Variants in MAN2C1 observed in about 807,000 individuals in gnomAD.
The protein encoded by MAN2C1 is alpha-mannosidase 2C1.
Under a neutral mutation model 126.9 loss-of-function variants are expected in MAN2C1, and 111 were observed. That is an observed-to-expected ratio of 0.87 (90% CI 0.75 to 1.02). MAN2C1 has a LOEUF of 1.02. MAN2C1 is among the 50% of genes least tolerant of loss of function. MAN2C1 has a pLI of 0.00. For missense variants in MAN2C1, 1,363 were observed against 1,364.4 expected (o/e 1.00, Z 0.02); for synonymous variants, 567 against 561.5 (o/e 1.01, Z -0.14).
chr15:75,358,089 C>A, intron 21 of MAN2C1, 112 bp downstream of exon 21: 1 of 1,322,686 alleles, frequency 7.6e-7, no homozygotes, highest in Non-Finnish European at 1.1e-6. Flanking sequence ...CTGGCACACA[C>A]GTTAGGAAGC....
At position 75,360,733 on chromosome 15, in the gene MAN2C1, T is replaced by C. The variant is rs755452208; in HGVS notation, c.1461-45A>G. The C allele has an allele frequency of 9.4e-6, 15 of 1,601,862 alleles. No homozygotes were observed. In the Admixed American group the frequency reaches 2.4e-4, roughly 25 times the overall value. ...AGGTCTCCCAGCCTTGGAGACCACA[T>C]GGCTCACCCTTCTTCCACACCAAAG... On this transcript the variant is annotated intron_variant, in intron 12 of 25. Transcript: ENST00000267978.
At position 75,364,490 on chromosome 15, in the gene MAN2C1, T is replaced by C; in HGVS notation, c.598A>G (p.Lys200Glu). Residue 200 changes from lysine (K) to glutamate (E), a missense_variant and splice_region_variant, in exon 5 of 26, where the codon AAG (lysine) becomes GAG (glutamate). Coordinates refer to ENST00000267978, the MANE Select transcript of MAN2C1 (RefSeq NM_006715.4). Reference protein sequence around the residue: ...VDLELLLGIAKGLGKDNQRSF... With the variant: ...VDLELLLGIAEGLGKDNQRSF... ...GGGGTACAGGGGGTGTCAAGTACCTTGGCTATGCCCAGCAGCAGCTCCAGA... is the reference window on the plus strand; with the variant it reads ...GGGGTACAGGGGGTGTCAAGTACCTCGGCTATGCCCAGCAGCAGCTCCAGA... The C allele has an allele frequency of 1.3e-6, 2 of 1,585,632 alleles. No individual in the cohort carries two copies. The highest frequency in any genetic ancestry group is 1.1e-5 in the South Asian group (1 of 87,256).
At chr15:75,359,273 GT>G (rs976857113) in intron 17 of MAN2C1, 54 bp downstream of exon 17, 125 of 1,582,882 alleles carry the variant, frequency 7.9e-5, no homozygotes, top group Non-Finnish European at 1.1e-4. Context: ...AGGACCCTCA[GT>G]TGTAAGAAAG....
rs190192617 is a variant in MAN2C1, at chr15:75,368,424, A to G, written c.101+59T>C. On this transcript the variant is annotated intron_variant, in intron 1 of 25. Transcript: ENST00000267978. ...GGCTGCAGCTTAGGTTTCTCCCCGG[A>G]AGGAAAGCTTGAGGCGCACGGTTGC... 3.7e-4 allele frequency: 560 copies of G among 1,509,272 alleles called. 3 individuals are homozygous for G. In the African/African-American group the frequency reaches 7.1e-3, roughly 19 times the overall value. The allele number at this position is 1,509,272 out of a possible 1,614,324, so 93.5% of individuals were successfully genotyped here. A position where few individuals can be genotyped will look rare whatever the true frequency, so the allele number is the denominator to read the frequency against.
At chr15:75,367,796 G>C in intron 2 of MAN2C1, 162 bp from the exon 3 acceptor site, 2 of 990,290 alleles carry the variant, frequency 2.0e-6, no homozygotes, top group South Asian at 3.3e-5. Context: ...TGAGAAGCAA[G>C]ATGAGGGAAA....
intron 2 of MAN2C1, 118 bp downstream of exon 2, chr15:75,367,955 G>C: frequency 7.7e-7 from 1 of 1,302,164 alleles, no homozygotes. Flanking sequence ...AGCAGAGGGT[G>C]CTGCTCGATC....
In MAN2C1 at chr15:75,356,770, G is replaced by C. The variant is rs1238947374; in HGVS notation, c.2657+23C>G. ...ACCCATTTCTCCATGCCAGCTCCCAGGCCTGGTGGGTACCCCACTTACAGC... is the reference window on the plus strand; with the variant it reads ...ACCCATTTCTCCATGCCAGCTCCCACGCCTGGTGGGTACCCCACTTACAGC... On this transcript the variant is annotated intron_variant, in intron 22 of 25. Coordinates refer to ENST00000267978, the MANE Select transcript of MAN2C1 (RefSeq NM_006715.4). The surrounding 1 kb of genome is among the most constrained non-coding windows in gnomAD (Gnocchi z 5.8). 2 of 1,613,656 alleles carry C rather than the reference G, an allele frequency of 1.2e-6. No individual in the cohort carries two copies. The highest frequency in any genetic ancestry group is 1.3e-5 in the African/African-American group (1 of 75,058).
rs1284076909 is a variant in MAN2C1 at position 75,368,137 on chromosome 15, G to T, written c.163C>A (p.Pro55Thr). Residue 55 changes from proline (P) to threonine (T), a missense_variant, in exon 2 of 26, where the codon CCC becomes ACC. Physicochemically the swap from Pro to Thr is conservative, Grantham distance 38 (BLOSUM62 -1). This residue lies in a region of MAN2C1 where 628 missense variants were observed against 609.8 expected (regional missense o/e 1.03). Coordinates refer to ENST00000267978, the MANE Select transcript of MAN2C1 (RefSeq NM_006715.4). ...TCCCGCTGGACTGCCTCCTGGTAGG[G>T]AAGTCTCTCCGGCGTCAGGAAGCTG... ...LSSFLTPERLPYQEAVQRDFR... is the reference protein window; with the variant it reads ...LSSFLTPERLTYQEAVQRDFR... 1.9e-6 allele frequency: 3 copies of T among 1,605,770 alleles called. No individual in the cohort carries two copies. The highest frequency in any genetic ancestry group is 2.5e-6 in the Non-Finnish European group (3 of 1,177,248).
At chr15:75,364,719 G>A (rs1453845969) in intron 4 of MAN2C1, 54 bp from the exon 5 acceptor site, 13 of 1,482,994 alleles carry the variant, frequency 8.8e-6, no homozygotes, top group Non-Finnish European at 1.1e-5. Context: ...GTACTCCGGG[G>A]ACTTGGGGAA....
At position 75,359,756 on chromosome 15, in the gene MAN2C1, A is replaced by G. The variant is rs746538330; in HGVS notation, c.1812T>C (p.Asn604=). The change falls in exon 16 of 26, where the codon AAT becomes AAC. Residue 604 remains asparagine (N), a synonymous_variant. Coordinates refer to ENST00000267978, the MANE Select transcript of MAN2C1 (RefSeq NM_006715.4). ...CHYEDIRSHG[N]TLLSAAAAAL... ...CTGCGGCTGCAGCGCTGAGCAGTGT[A>G]TTGCCATGGGAACGGATGTCTGAGG... 6.8e-6 allele frequency: 11 copies of G among 1,613,976 alleles called. No homozygotes were observed. Among genetic ancestry groups the G allele is most frequent in the East Asian group, 6.7e-5 (3 of 44,892 alleles).
chr15:75,360,740 C>T (rs532828981), intron 12 of MAN2C1, 52 bp from the exon 13 acceptor site: 7 of 1,596,596 alleles, frequency 4.4e-6, no homozygotes, highest in Admixed American at 3.4e-5. Context: ...ACATGGCTCA[C>T]CCTTCTTCCA....
chr15:75,360,144 A>G lies in MAN2C1; in HGVS notation c.1652T>C (p.Leu551Pro). 1 of 1,613,774 alleles carries G rather than the reference A, an allele frequency of 6.2e-7. No individual in the cohort carries two copies. Among genetic ancestry groups the G allele is most frequent in the African/African-American group, 1.3e-5 (1 of 75,066 alleles). Residue 551 changes from leucine to proline, a missense_variant, in exon 14 of 26, where the codon CTG becomes CCG. Physicochemically the swap from Leu to Pro is moderately conservative, Grantham distance 98. This residue lies in a region of MAN2C1 where 668 missense variants were observed against 650.1 expected (regional missense o/e 1.03). Coordinates refer to ENST00000267978, the MANE Select transcript of MAN2C1 (RefSeq NM_006715.4). ...GTATAGGAACTGGGCACTGCGGGCC[A>G]GGGCCAGGCTACTGAGCAGCTCCAC... ...HDVELLSSLA[L>P]ARSAQFLYPA...
chr15:75,362,546 A>C lies in MAN2C1; in HGVS notation c.898-93T>G, dbSNP rs1411140663. The stretch of plus-strand genomic sequence containing the variant: ...ACTCAGTGTGTGGCTGAGGGTGAGG[A>C]GCAGCCCTGACCCCAGGCCTGGGAA... On this transcript the variant is annotated intron_variant, in intron 7 of 25. Transcript: ENST00000267978. This position sits in a 1 kb window ranked among gnomAD's most constrained non-coding sequence, Gnocchi z 4.5. The C allele has an allele frequency of 6.6e-7, 1 of 1,514,304 alleles. No individual in the cohort carries two copies. The highest frequency in any genetic ancestry group is 1.4e-5 in the African/African-American group (1 of 72,820). The allele number at this position is 1,514,304 out of a possible 1,614,324, so 93.8% of individuals were successfully genotyped here.
Position 75,368,598 on chromosome 15 carries a change from T to A in MAN2C1, c.-15A>T. ...GCAGCCGCCATCGCCGGGCTCTCGC[T>A]CCTCTTTCCGGAAGGCCCCTGGCGC... On this transcript the variant is annotated 5_prime_UTR_variant, in exon 1 of 26. Transcript: ENST00000267978. The A allele has an allele frequency of 6.5e-7, 1 of 1,531,692 alleles. No individual in the cohort carries two copies. Among genetic ancestry groups the A allele is most frequent in the African/African-American group, 1.4e-5 (1 of 72,808 alleles). 94.9% of individuals were successfully genotyped at this position (1,531,692 alleles called of 1,614,324 possible). A position where few individuals can be genotyped will look rare whatever the true frequency, so the allele number is the denominator to read the frequency against.
intron 5 of MAN2C1, 101 bp from the exon 6 acceptor site, chr15:75,364,289 A>C: frequency 7.4e-7 from 1 of 1,359,338 alleles, no homozygotes; most frequent in Non-Finnish European, 9.8e-7. Flanking sequence ...CTGACCCCCA[A>C]CCCTTTTTCC....
intron 2 of MAN2C1, 169 bp downstream of exon 2, chr15:75,367,904 C>T (rs1269144996): frequency 9.7e-7 from 1 of 1,030,514 alleles, no homozygotes; most frequent in East Asian, 2.6e-5. Context: ...CCTGAAGACC[C>T]AGGGACCAGA....
At chr15:75,365,503 TA>T (rs2072556040) in intron 4 of MAN2C1, 1 of 155,308 alleles carries the variant, frequency 6.4e-6, no homozygotes, top group African/African-American at 2.4e-5. Flanking sequence ...GGCAAGTGGA[TA>T]GCCTGAGGTC....
At chr15:75,357,818 A>G (rs907182310) in intron 21 of MAN2C1, 2 of 200,474 alleles carry the variant, frequency 1.0e-5, no homozygotes, top group Admixed American at 5.1e-5. Context: ...ACAGGGTTTC[A>G]TCGTGTTAGC....
Position 75,362,533 on chromosome 15 carries a change from G to A in MAN2C1, c.898-80C>T. ...CTGAGCATATGGGACTCAGTGTGTG[G>A]CTGAGGGTGAGGAGCAGCCCTGACC... is the stretch of plus-strand genomic sequence containing the variant. On this transcript the variant is annotated intron_variant, in intron 7 of 25. Transcript: ENST00000267978. The surrounding 1 kb of genome is among the most constrained non-coding windows in gnomAD (Gnocchi z 4.5). 1.3e-6 allele frequency: 2 copies of A among 1,521,232 alleles called. No individual in the cohort carries two copies. The highest frequency in any genetic ancestry group is 1.2e-5 in the South Asian group (1 of 86,132). 94.2% of individuals were successfully genotyped at this position (1,521,232 alleles called of 1,614,324 possible).
Sources: gnomAD v4.1 joint callset for allele counts on GRCh38, gnomAD v4.1.1 for gene constraint, gnomAD v4.1.1 regional missense constraint, Gnocchi (gnomAD v3.1) non-coding constraint, MANE v1.5 for transcripts, NCBI Gene and HGNC (gene_info 2026-07-23, HGNC 2026-07-21) for gene names.